OPCML: variants seen among roughly 807,000 people sequenced by gnomAD.
OPCML encodes opioid binding protein/cell adhesion molecule like, also known as opioid-binding protein/cell adhesion molecule.
A neutral mutation model predicts 37.8 loss-of-function variants in OPCML; 13 were observed. The ratio of observed to expected loss-of-function variants is 0.34; its 90% CI spans 0.22 to 0.55. The LOEUF (loss-of-function observed/expected upper bound fraction) is 0.55, where lower values mean the gene tolerates loss of function less well. OPCML is among the 20% of genes least tolerant of loss of function. The probability of loss-of-function intolerance (pLI) is 0.91; values close to 1 mark genes in which losing one functional copy is unlikely to be tolerated. For synonymous variants in OPCML, 176 were observed against 168.8 expected, an observed-to-expected ratio of 1.04 and a Z score of -0.33; for missense variants, 341 against 435.6, an observed-to-expected ratio of 0.78 and a Z score of 1.93.
At chr11:133,448,916 T>C (rs1016437220) in intron 1 of OPCML, among the ~76,000 whole-genome samples, 2 of 152,214 alleles carry the variant, frequency 1.3e-5, no homozygotes, top group Non-Finnish European at 2.9e-5. Flanking sequence ...GCCAAATTTG[T>C]AATCTATTAA....
At chr11:133,319,205 A>T (rs970553143) in intron 1 of OPCML, among the ~76,000 whole-genome samples, 3 of 152,130 alleles carry the variant, frequency 2.0e-5, no homozygotes, top group African/African-American at 7.2e-5. Flanking sequence ...GGTGTCTTTT[A>T]AAAAATATTC....
intron 3 of OPCML, among the ~76,000 whole-genome samples, chr11:132,630,329 G>A (rs942949008): frequency 5.3e-5 from 8 of 152,322 alleles, no homozygotes; most frequent in African/African-American, 1.7e-4. Flanking sequence ...GGAGGCTGAG[G>A]TGGGGCGGTC....
chr11:133,530,826 C>T lies in OPCML; in HGVS notation c.61+1438G>A, dbSNP rs529775246. Reference sequence around the variant, plus strand: ...TACTTGTTTTAGTTGATCCTCTCTTCTTTCTCCCCAGTAAACTTCCATTTT... The same window carrying T: ...TACTTGTTTTAGTTGATCCTCTCTTTTTTCTCCCCAGTAAACTTCCATTTT... On this transcript the variant is annotated intron_variant, in intron 1 of 7. Transcript: ENST00000524381. 1.8e-4 allele frequency among the ~76,000 whole-genome samples: 28 copies of T among 152,332 alleles called. No homozygotes were observed. In the South Asian group the frequency reaches 5.8e-3, roughly 32 times the overall value.
intron 1 of OPCML, among the ~76,000 whole-genome samples, chr11:133,097,396 C>T (rs1949018920): frequency 6.6e-6 from 1 of 152,106 alleles, no homozygotes; most frequent in Non-Finnish European, 1.5e-5. Context: ...GTAAAGCATG[C>T]TTAGATGGAG....
chr11:133,093,404 T>C (rs1948945070), intron 1 of OPCML, among the ~76,000 whole-genome samples: 2 of 152,140 alleles, frequency 1.3e-5, no homozygotes, highest in South Asian at 4.1e-4. Flanking sequence ...CAATCCATCA[T>C]CTAGGTTTTA....
At chr11:133,489,300 C>T (rs1370788619) in intron 1 of OPCML, among the ~76,000 whole-genome samples, 5 of 150,508 alleles carry the variant, frequency 3.3e-5, no homozygotes, top group East Asian at 1.9e-4. Flanking sequence ...ACCTAAAGAA[C>T]GGTTTAAAAA....
chr11:133,180,866 G>A (rs1235119359), intron 1 of OPCML, among the ~76,000 whole-genome samples: 4 of 151,272 alleles, frequency 2.6e-5, no homozygotes, highest in Middle Eastern at 3.4e-3. Flanking sequence ...GTGGGGATGA[G>A]GGAAAGTAGG....
intron 3 of OPCML, among the ~76,000 whole-genome samples, chr11:132,567,743 T>C (rs572934529): frequency 1.3e-5 from 2 of 152,284 alleles, no homozygotes; most frequent in East Asian, 3.9e-4. Flanking sequence ...AGAGGTAGAT[T>C]CTATCTGATC....
intron 4 of OPCML, among the ~76,000 whole-genome samples, chr11:132,457,675 C>T (rs1168764635): frequency 1.3e-5 from 2 of 152,180 alleles, no homozygotes; most frequent in African/African-American, 2.4e-5. Context: ...TGCCCTGAAC[C>T]TTTGTTTCCC....
chr11:133,301,995 A>G (rs1356997250), intron 1 of OPCML: 1 of 152,220 alleles, frequency 6.6e-6, no homozygotes, highest in Non-Finnish European at 1.5e-5. Context: ...GGAGACATAA[A>G]AAGCTTGGAA....
intron 4 of OPCML, among the ~76,000 whole-genome samples, chr11:132,464,296 C>T (rs960320352): frequency 6.6e-6 from 1 of 152,194 alleles, no homozygotes; most frequent in African/African-American, 2.4e-5. Context: ...TATTCCCCAC[C>T]CCAGCCTCCT....
At chr11:133,051,141 T>A (rs77815640) in intron 1 of OPCML, among the ~76,000 whole-genome samples, 1 of 151,944 alleles carries the variant, frequency 6.6e-6, no homozygotes, top group Non-Finnish European at 1.5e-5. Context: ...ACTTCTCCCA[T>A]GCACACTCAG....
chr11:132,711,152 G>C (rs1944249493), intron 2 of OPCML, among the ~76,000 whole-genome samples: 1 of 152,206 alleles, frequency 6.6e-6, no homozygotes, highest in Admixed American at 6.5e-5. Context: ...AGGAACATCA[G>C]AGGAGTAGCC....
At chr11:133,135,440 GTTTTTT>G (rs11291782) in intron 1 of OPCML, among the ~76,000 whole-genome samples, 2 of 131,270 alleles carry the variant, frequency 1.5e-5, no homozygotes, top group Admixed American at 7.6e-5. Flanking sequence ...CCCTCCATAG[GTTTTTT>G]TTTTTTTTTT....
intron 1 of OPCML, among the ~76,000 whole-genome samples, chr11:133,399,258 TC>T (rs1641420913): frequency 6.6e-6 from 1 of 152,192 alleles, no homozygotes; most frequent in South Asian, 2.1e-4. Flanking sequence ...GCCTGCCATC[TC>T]TATTGATGAC....
rs542191711 is a variant in OPCML, at chr11:133,014,836, C to T, written c.62-71826G>A. Among the ~76,000 whole-genome samples, 4 of 152,346 alleles carry T rather than the reference C, an allele frequency of 2.6e-5. No individual in the cohort carries two copies. The East Asian group carries it at 7.7e-4, about 29-fold the overall frequency. Reference sequence around the variant, plus strand: ...TATCTAAGTCTCAAGCCCTCTCTCTCTTCTCCAACCCACATCTACTGTCCT... The same window carrying T: ...TATCTAAGTCTCAAGCCCTCTCTCTTTTCTCCAACCCACATCTACTGTCCT... On this transcript the variant is annotated intron_variant, in intron 1 of 7. Transcript: ENST00000524381.
chr11:132,948,535 G>A (rs565427149), intron 1 of OPCML, among the ~76,000 whole-genome samples: 2 of 152,264 alleles, frequency 1.3e-5, no homozygotes, highest in African/African-American at 4.8e-5. Context: ...ATGGGTTTTG[G>A]ATGGATTGGT....
intron 1 of OPCML, among the ~76,000 whole-genome samples, chr11:133,311,966 C>G (rs924995432): frequency 6.6e-6 from 1 of 152,078 alleles, no homozygotes; most frequent in Non-Finnish European, 1.5e-5. Context: ...TCATTCACTG[C>G]AGGGGCTTTA....
In OPCML at chr11:132,657,247, G is replaced by C; in HGVS notation, c.219C>G (p.Asp73Glu). The change falls in exon 3 of 8, where the codon GAC becomes GAG. Residue 73 changes from aspartate (D) to glutamate (E), a missense_variant. Physicochemically the swap from Asp to Glu is conservative, Grantham distance 45 (BLOSUM62 2). Transcript: ENST00000524381. Reference protein sequence around the residue: ...NRSTILYAGNDKWSIDPRVII... With the variant: ...NRSTILYAGNEKWSIDPRVII... ...TCACACGAGGGTCTATGGACCACTT[G>C]TCATTCCCAGCGTAGAGGATGGTGC... The C allele has an allele frequency of 6.2e-7, 1 of 1,614,238 alleles. No homozygotes were observed. Among genetic ancestry groups the C allele is most frequent in the Non-Finnish European group, 8.5e-7 (1 of 1,180,044 alleles).
Sources: allele counts gnomAD v4.1 joint callset (sites outside exome capture counted in the v4.1 genomes callset), GRCh38; gene constraint gnomAD v4.1.1; transcripts MANE v1.5; gene names NCBI Gene and HGNC (gene_info 2026-07-23, HGNC 2026-07-21).